The following TBC1D5 variants were observed in gnomAD, a reference collection of about 807,000 sequenced individuals.
TBC1D5 encodes the protein TBC1 domain family member 5, also known as TBC1 domain family, member 5.
TBC1D5 carries 75 observed loss-of-function variants against 100.3 expected under a neutral mutation model. The observed-to-expected ratio is 0.75, with a 90% CI of 0.62 to 0.91. TBC1D5 has a LOEUF of 0.91. Among genes scored for constraint, TBC1D5 ranks in the 40% least tolerant of loss-of-function variants. The probability of loss-of-function intolerance (pLI) is 0.00; values close to 1 mark genes in which losing one functional copy is unlikely to be tolerated. For synonymous variants in TBC1D5, 323 were observed against 325.6 expected (o/e 0.99, Z 0.09); for missense variants, 910 against 942.4 (o/e 0.97, Z 0.45).
At chr3:17,677,388 A>C (rs956616240) in intron 1 of TBC1D5, among the ~76,000 whole-genome samples, 1 of 152,252 alleles carries the variant, frequency 6.6e-6, no homozygotes, top group South Asian at 2.1e-4. Flanking sequence ...GCCAAAAGAC[A>C]CATGAAAAAA....
At chr3:17,357,931 T>C (rs1478721906) in intron 13 of TBC1D5, among the ~76,000 whole-genome samples, 3 of 152,192 alleles carry the variant, frequency 2.0e-5, no homozygotes, top group East Asian at 1.9e-4. Flanking sequence ...TAAAATCCTA[T>C]TAATTATAAA....
chr3:17,210,211 G>A (rs1038005502), intron 18 of TBC1D5, among the ~76,000 whole-genome samples: 12 of 149,942 alleles, frequency 8.0e-5, no homozygotes, highest in Admixed American at 6.0e-4. Context: ...TTTTTGAGAC[G>A]GATTCTTGCT....
At chr3:17,549,153 T>C (rs1031279116) in intron 2 of TBC1D5, among the ~76,000 whole-genome samples, 1 of 151,968 alleles carries the variant, frequency 6.6e-6, no homozygotes, top group Non-Finnish European at 1.5e-5. Flanking sequence ...AAAAAATATA[T>C]AGCCGAGTGT....
intron 1 of TBC1D5, among the ~76,000 whole-genome samples, chr3:17,690,049 T>C (rs2070898098): frequency 6.6e-6 from 1 of 151,962 alleles, no homozygotes; most frequent in Non-Finnish European, 1.5e-5. Context: ...TAATAAGTCA[T>C]AACATGGCCA....
chr3:17,711,709 T>C (rs993839061), intron 1 of TBC1D5, among the ~76,000 whole-genome samples: 2 of 152,248 alleles, frequency 1.3e-5, no homozygotes, highest in East Asian at 1.9e-4. Flanking sequence ...GGTCATTCAT[T>C]TGCACTGCTA....
intron 1 of TBC1D5, among the ~76,000 whole-genome samples, chr3:17,734,268 T>C (rs1272891985): frequency 6.6e-6 from 1 of 152,088 alleles, no homozygotes; most frequent in Non-Finnish European, 1.5e-5. Context: ...CATATATATG[T>C]GGAGGGCGGA....
At chr3:17,388,565 T>C (rs555394573) in intron 8 of TBC1D5, among the ~76,000 whole-genome samples, 4 of 150,854 alleles carry the variant, frequency 2.7e-5, no homozygotes, top group South Asian at 2.1e-4. Flanking sequence ...AACATAACCA[T>C]AGGCCAGGTG....
chr3:17,536,212 CTGTT>C (rs1378252084), intron 2 of TBC1D5, among the ~76,000 whole-genome samples: 4 of 152,038 alleles, frequency 2.6e-5, no homozygotes, highest in South Asian at 2.1e-4. Context: ...TAATACAGAT[CTGTT>C]TCTTTCAAAA....
intron 3 of TBC1D5, among the ~76,000 whole-genome samples, chr3:17,457,628 T>C (rs764780499): frequency 3.9e-5 from 6 of 152,256 alleles, no homozygotes; most frequent in South Asian, 2.1e-4. Context: ...AGAATACTTA[T>C]GGGACAGTTC....
At chr3:17,298,689 T>C (rs575332529) in intron 14 of TBC1D5, among the ~76,000 whole-genome samples, 2 of 152,168 alleles carry the variant, frequency 1.3e-5, no homozygotes, top group South Asian at 2.1e-4. Context: ...GGAATATTAG[T>C]CAGCATTAAA....
chr3:17,688,376 C>T (rs1002577814), intron 1 of TBC1D5, among the ~76,000 whole-genome samples: 2 of 152,046 alleles, frequency 1.3e-5, no homozygotes, highest in Non-Finnish European at 2.9e-5. Flanking sequence ...TTACTTTATC[C>T]ATACATTTCA....
At chr3:17,519,765 G>C (rs1488944426) in intron 2 of TBC1D5, among the ~76,000 whole-genome samples, 1 of 152,176 alleles carries the variant, frequency 6.6e-6, no homozygotes, top group Admixed American at 6.5e-5. Context: ...AATGATTTAA[G>C]AGAACCTGTA....
chr3:17,536,275 TACA>T (rs1466993294), intron 2 of TBC1D5, among the ~76,000 whole-genome samples: 1 of 152,168 alleles, frequency 6.6e-6, no homozygotes, highest in Non-Finnish European at 1.5e-5. Context: ...GCACATCTTT[TACA>T]ACAACTTTTA....
At chr3:17,407,394 T>C (rs1453065673) in intron 4 of TBC1D5, among the ~76,000 whole-genome samples, 1 of 152,178 alleles carries the variant, frequency 6.6e-6, no homozygotes, top group African/African-American at 2.4e-5. Flanking sequence ...ATTAGCTTTA[T>C]GAAATTTCTC....
intron 14 of TBC1D5, among the ~76,000 whole-genome samples, chr3:17,302,859 G>A (rs558613928): frequency 2.7e-4 from 41 of 152,152 alleles, no homozygotes; most frequent in Non-Finnish European, 5.0e-4. Flanking sequence ...AAGATTTATT[G>A]AATGAATGAG....
chr3:17,657,187 T>G (rs761527451), intron 1 of TBC1D5, among the ~76,000 whole-genome samples: 5 of 152,110 alleles, frequency 3.3e-5, no homozygotes, highest in Non-Finnish European at 7.3e-5. Flanking sequence ...TCCCTGCGTA[T>G]ATCTCTATAT....
intron 4 of TBC1D5, among the ~76,000 whole-genome samples, chr3:17,414,147 C>T (rs2094006046): frequency 6.6e-6 from 1 of 152,048 alleles, no homozygotes; most frequent in Non-Finnish European, 1.5e-5. Flanking sequence ...CATTGCAATT[C>T]TAAGTAGTAA....
chr3:17,323,980 A>T (rs1024408768), intron 13 of TBC1D5, among the ~76,000 whole-genome samples: 1 of 152,272 alleles, frequency 6.6e-6, no homozygotes, highest in Non-Finnish European at 1.5e-5. Flanking sequence ...ATTATAAAAG[A>T]TGCCTAGATT....
chr3:17,359,753 T>C (rs1406777974), intron 13 of TBC1D5, among the ~76,000 whole-genome samples: 1 of 152,038 alleles, frequency 6.6e-6, no homozygotes, highest in African/African-American at 2.4e-5. Flanking sequence ...TGGAATATGA[T>C]ACCATACATA....
Sources: gnomAD v4.1 joint callset for allele counts (sites outside exome capture counted in the v4.1 genomes callset) on GRCh38, gnomAD v4.1.1 for gene constraint, MANE v1.5 for transcripts, NCBI Gene and HGNC (gene_info 2026-07-23, HGNC 2026-07-21) for gene names.